The following MYH11 variants were observed in gnomAD, a reference collection of about 807,000 sequenced individuals.
MYH11 encodes the protein myosin-11.
In MYH11, 80 loss-of-function variants were observed where a neutral mutation model predicts 246.6. That is an observed-to-expected ratio of 0.32 (90% CI 0.27 to 0.39). MYH11 has a LOEUF of 0.39. Ranked by LOEUF, MYH11 falls within the 10% of genes least tolerant of loss-of-function variation. MYH11 has a pLI of 1.00. For missense variants in MYH11, 2,158 were observed against 2,546.8 expected (o/e 0.85, Z 3.29); for synonymous variants, 1,071 against 1,015.5 (o/e 1.05, Z -1.04).
rs776252415 is a variant in MYH11 at position 15,726,892 on chromosome 16, C to A, written c.3814G>T (p.Glu1272Ter). ...QELQSKCSDG[E>*]RARAELNDKV... Reference sequence around the variant, plus strand: ...TCATTGAGCTCCGCCCGGGCCCGCTCCCCATCGCTGCACTTGGACTGCAGC... The same window carrying A: ...TCATTGAGCTCCGCCCGGGCCCGCTACCCATCGCTGCACTTGGACTGCAGC... Residue 1272 changes from glutamate to a stop codon, truncating the protein, a stop_gained, in exon 28 of 41, where the codon GAG (glutamate) becomes TAG (stop). Coordinates refer to ENST00000300036, the MANE Select transcript of MYH11 (RefSeq NM_002474.3). LOFTEE classifies it high-confidence loss of function. The A allele has an allele frequency of 6.2e-7, 1 of 1,612,520 alleles. No individual in the cohort carries two copies. The highest frequency in any genetic ancestry group is 8.5e-7 in the Non-Finnish European group (1 of 1,180,008).
Position 15,778,810 on chromosome 16 carries a change from C to T in MYH11, c.760G>A (p.Gly254Ser). ...KFIRINFDVT[G>S]YIVGANIETY... Reference sequence around the variant, plus strand: ...TCAATGTTGGCTCCCACGATGTAACCCGTGACGTCGAAGTTGATGCGGATG... The same window carrying T: ...TCAATGTTGGCTCCCACGATGTAACTCGTGACGTCGAAGTTGATGCGGATG... The change falls in exon 7 of 41, where the codon GGT (glycine) becomes AGT (serine). Residue 254 changes from glycine to serine, a missense_variant. Gly to Ser is a moderately conservative substitution (Grantham distance 56). Around this residue, in one of 11 missense-constraint regions of MYH11, gnomAD observed 123 missense variants for 207.1 expected, o/e 0.59. Coordinates refer to ENST00000300036, the MANE Select transcript of MYH11 (RefSeq NM_002474.3). 3 of 1,614,070 alleles carry T rather than the reference C, an allele frequency of 1.9e-6. No homozygotes were observed. The highest frequency in any genetic ancestry group is 2.5e-6 in the Non-Finnish European group (3 of 1,180,018).
At chr16:15,724,587 G>T in intron 30 of MYH11, 60 bp downstream of exon 30, 1 of 1,610,886 alleles carries the variant, frequency 6.2e-7, no homozygotes, top group Non-Finnish European at 8.5e-7. Flanking sequence ...GCCTGCGGGG[G>T]ATCTCAGCGC....
chr16:15,740,263 A>T (rs2041235661), intron 22 of MYH11, 75 bp from the exon 23 acceptor site: 1 of 1,605,408 alleles, frequency 6.2e-7, no homozygotes, highest in African/African-American at 1.3e-5. Flanking sequence ...GGGACTAATG[A>T]ATACAGGGGC....
At chr16:15,847,023 G>A (rs1233092145) in intron 1 of MYH11, among the ~76,000 whole-genome samples, 1 of 152,032 alleles carries the variant, frequency 6.6e-6, no homozygotes, top group African/African-American at 2.4e-5. Flanking sequence ...TACTTTTTTG[G>A]TTGTAAAGTA....
chr16:15,822,746 C>T (rs576289301), intron 3 of MYH11, among the ~76,000 whole-genome samples: 6 of 151,982 alleles, frequency 3.9e-5, no homozygotes, highest in Non-Finnish European at 8.8e-5. Context: ...AAAATAATAA[C>T]GTATAAACAT....
chr16:15,715,373 C>G, intron 38 of MYH11, 101 bp from the exon 39 acceptor site: 1 of 1,000,280 alleles, frequency 1.0e-6, no homozygotes, highest in Non-Finnish European at 1.6e-6. Flanking sequence ...TCCTGAGCCC[C>G]GTATCTGGAC....
intron 1 of MYH11, among the ~76,000 whole-genome samples, chr16:15,839,982 C>T (rs2044011918): frequency 6.6e-6 from 1 of 151,980 alleles, no homozygotes. Flanking sequence ...ACCTGGGAGG[C>T]AGAGGCTGCA....
chr16:15,785,346 C>A (rs1329725761), intron 5 of MYH11: 1 of 152,076 alleles, frequency 6.6e-6, no homozygotes, highest in Non-Finnish European at 1.5e-5. Flanking sequence ...CCTGTGTTTA[C>A]TCTTTAGGGA....
At chr16:15,727,407 G>C (rs2040822603) in intron 27 of MYH11, among the ~76,000 whole-genome samples, 1 of 152,018 alleles carries the variant, frequency 6.6e-6, no homozygotes. Context: ...CACCATGTTA[G>C]CCAGGCTGCT....
intron 6 of MYH11, among the ~76,000 whole-genome samples, chr16:15,780,114 T>C (rs2042311845): frequency 6.6e-6 from 1 of 152,268 alleles, no homozygotes; most frequent in Middle Eastern, 3.4e-3. Flanking sequence ...TGGAGGATGT[T>C]TTTAGGGATT....
chr16:15,703,948 G>A lies in MYH11; in HGVS notation c.*43C>T, dbSNP rs1394432795. ...GGGTTTTTTTTGTTTGTTTGTTTTG[G>A]TTTTTGGTTTTCTTGCCGTGGTGCA... is the stretch of plus-strand genomic sequence containing the variant. On this transcript the variant is annotated 3_prime_UTR_variant, in exon 41 of 41. Coordinates refer to ENST00000300036, the MANE Select transcript of MYH11 (RefSeq NM_002474.3). 6.2e-7 allele frequency: 1 copy of A among 1,613,144 alleles called. No homozygotes were observed. The highest frequency in any genetic ancestry group is 8.5e-7 in the Non-Finnish European group (1 of 1,179,602).
intron 22 of MYH11, among the ~76,000 whole-genome samples, chr16:15,740,536 G>C (rs180809133): frequency 6.6e-6 from 1 of 151,556 alleles, no homozygotes; most frequent in East Asian, 1.9e-4. Context: ...GCTTGAACCC[G>C]AGAGGCAGAG....
At position 15,719,318 on chromosome 16, in the gene MYH11, A is replaced by G; in HGVS notation, c.5083-10T>C. 6.2e-7 allele frequency: 1 copy of G among 1,609,040 alleles called. No homozygotes were observed. The highest frequency in any genetic ancestry group is 8.5e-7 in the Non-Finnish European group (1 of 1,179,728). ...CAGCGGCGGCGAGGTCCTAGGTGGG[A>G]GGGAGGAAGGCTGTTGTCTGCCAGG... On this transcript the variant is annotated splice_polypyrimidine_tract_variant and intron_variant, in intron 35 of 40. Coordinates refer to ENST00000300036, the MANE Select transcript of MYH11 (RefSeq NM_002474.3).
At chr16:15,765,832 G>A (rs1157094520) in intron 9 of MYH11, among the ~76,000 whole-genome samples, 1 of 152,148 alleles carries the variant, frequency 6.6e-6, no homozygotes, top group Non-Finnish European at 1.5e-5. Context: ...TAACATCTAT[G>A]AAAGAGTCTT....
intron 4 of MYH11, among the ~76,000 whole-genome samples, chr16:15,787,127 C>G (rs989951195): frequency 6.6e-6 from 1 of 151,630 alleles, no homozygotes; most frequent in Non-Finnish European, 1.5e-5. Flanking sequence ...TAAAAATTAG[C>G]CAGGCATGGT....
At chr16:15,842,762 CAAAAAAAAAAAA>C (rs757920488) in intron 1 of MYH11, among the ~76,000 whole-genome samples, 645 of 19,678 alleles carry the variant, frequency 0.033, 17 homozygotes, top group African/African-American at 0.064. Flanking sequence ...AGACTTCATC[CAAAAAAAAAAAA>C]AAAAAAAAAA....
At chr16:15,761,313 G>A (rs539413680) in intron 10 of MYH11, among the ~76,000 whole-genome samples, 5 of 152,150 alleles carry the variant, frequency 3.3e-5, no homozygotes, top group South Asian at 2.1e-4. Flanking sequence ...GAGTTACACC[G>A]TGTTGCCCAG....
At chr16:15,831,464 G>GGTGTGTGTGTGTGT (rs59352444) in intron 2 of MYH11, among the ~76,000 whole-genome samples, 1,708 of 145,652 alleles carry the variant, frequency 0.012, 16 homozygotes, top group South Asian at 0.018. Flanking sequence ...TTATGTTTGG[G>GGTGTGTGTGTGTGT]GTGTGTGTGT....
At chr16:15,757,519 A>AG (rs2041758181) in intron 13 of MYH11, among the ~76,000 whole-genome samples, 1 of 149,546 alleles carries the variant, frequency 6.7e-6, no homozygotes, top group South Asian at 2.1e-4. Flanking sequence ...AAAAAAAAAA[A>AG]AAAAAAAAAA....
Sources: gnomAD v4.1 joint callset for allele counts (sites outside exome capture counted in the v4.1 genomes callset) on GRCh38, gnomAD v4.1.1 for gene constraint, gnomAD v4.1.1 regional missense constraint, MANE v1.5 for transcripts, NCBI Gene and HGNC (gene_info 2026-07-23, HGNC 2026-07-21) for gene names.